Variants in SMCHD1 observed in about 807,000 individuals in gnomAD.
The protein encoded by SMCHD1 is structural maintenance of chromosomes flexible hinge domain-containing protein 1.
In SMCHD1, 78 loss-of-function variants were observed where a neutral mutation model predicts 254.7. That is an observed-to-expected ratio of 0.31 (90% CI 0.26 to 0.37). The LOEUF is 0.37. SMCHD1 is among the 10% of genes least tolerant of loss of function. The pLI is 1.00. For synonymous variants in SMCHD1, 766 were observed against 794.9 expected, an observed-to-expected ratio of 0.96 and a Z score of 0.61; for missense variants, 1,840 against 2,408.1, an observed-to-expected ratio of 0.76 and a Z score of 4.94.
intron 37 of SMCHD1, among the ~76,000 whole-genome samples, chr18:2,768,708 A>G (rs375107923): frequency 4.7e-5 from 5 of 107,080 alleles, no homozygotes; most frequent in East Asian, 2.2e-4. Context: ...ACTATATACT[A>G]TACTATACAT....
At chr18:2,661,380 A>G (rs929021111) in intron 1 of SMCHD1, among the ~76,000 whole-genome samples, 1 of 152,188 alleles carries the variant, frequency 6.6e-6, no homozygotes, top group African/African-American at 2.4e-5. Context: ...GAATAATAGT[A>G]GATTTATAGA....
intron 37 of SMCHD1, among the ~76,000 whole-genome samples, chr18:2,769,438 T>C (rs555234203): frequency 6.6e-6 from 1 of 152,310 alleles, no homozygotes; most frequent in South Asian, 2.1e-4. Context: ...TTTTTTATCA[T>C]ATATACTTTT....
intron 20 of SMCHD1, among the ~76,000 whole-genome samples, chr18:2,724,145 A>G (rs2074981599): frequency 6.7e-6 from 1 of 148,578 alleles, no homozygotes. Context: ...CTTGTATGCC[A>G]CATTGCATCT....
At position 2,738,258 on chromosome 18, in the gene SMCHD1, A is replaced by G. The variant is rs2075286251; in HGVS notation, c.3277-139A>G. The G allele has an allele frequency of 1.9e-5, 13 of 685,516 alleles. No homozygotes were observed. In the South Asian group the frequency reaches 2.4e-4, roughly 13 times the overall value. 42.5% of individuals were successfully genotyped at this position (685,516 alleles called of 1,614,324 possible). A position where few individuals can be genotyped will look rare whatever the true frequency, so the allele number is the denominator to read the frequency against. ...TGTATCATATTAGTATATGAACCAC[A>G]CCGTTTCTGACCATAAAGAGACTTT... On this transcript the variant is annotated intron_variant, in intron 25 of 47. Coordinates refer to ENST00000320876, the MANE Select transcript of SMCHD1 (RefSeq NM_015295.3).
intron 47 of SMCHD1, among the ~76,000 whole-genome samples, chr18:2,797,011 T>A (rs1274045295): frequency 6.6e-6 from 1 of 152,228 alleles, no homozygotes; most frequent in Non-Finnish European, 1.5e-5. Context: ...TTTCTTAGGA[T>A]ACTCAATCTT....
chr18:2,705,629 A>T, intron 13 of SMCHD1, 65 bp from the exon 14 acceptor site: 1 of 657,256 alleles, frequency 1.5e-6, no homozygotes. Context: ...AATTATTATT[A>T]AGCCTTTTTC....
intron 17 of SMCHD1, among the ~76,000 whole-genome samples, chr18:2,712,886 A>G (rs1275788638): frequency 1.3e-5 from 2 of 152,174 alleles, no homozygotes; most frequent in Non-Finnish European, 2.9e-5. Context: ...TACTCCACGC[A>G]TGATCTGGCC....
chr18:2,789,015 TTTTG>T (rs148828025), intron 45 of SMCHD1, among the ~76,000 whole-genome samples: 29,228 of 151,754 alleles, frequency 0.19, 3,029 homozygotes, highest in Admixed American at 0.26. Flanking sequence ...GTTTTTCTTT[TTTTG>T]TTTGTTTGTT....
chr18:2,735,027 G>A lies in SMCHD1; in HGVS notation c.3276+2535G>A, dbSNP rs1403983805. Among the ~76,000 whole-genome samples, 15 of 151,424 alleles carry A rather than the reference G, an allele frequency of 9.9e-5. No homozygotes were observed. The South Asian group carries it at 2.3e-3, about 23-fold the overall frequency. On this transcript the variant is annotated intron_variant, in intron 25 of 47. Coordinates refer to ENST00000320876, the MANE Select transcript of SMCHD1 (RefSeq NM_015295.3). ...AGAGGTTGCAGTGAGCCAAGATTGC[G>A]CCACTGCACTCCAGCCTGGGAGACA...
rs1319127489 is a variant in SMCHD1, at chr18:2,744,005, A to G, written c.3801+77A>G. The G allele has an allele frequency of 3.2e-6, 4 of 1,267,826 alleles. No individual in the cohort carries two copies. The East Asian group carries it at 9.9e-5, about 31-fold the overall frequency. 78.5% of individuals were successfully genotyped at this position (1,267,826 alleles called of 1,614,324 possible). A position where few individuals can be genotyped will look rare whatever the true frequency, so the allele number is the denominator to read the frequency against. On this transcript the variant is annotated intron_variant, in intron 29 of 47. Transcript: ENST00000320876. ...ACTTTCAGATTGTCAGTGAATCAGA[A>G]TAGATATATTTTGTTGCTGAAGTAA...
intron 47 of SMCHD1, among the ~76,000 whole-genome samples, chr18:2,801,593 C>G (rs1351212760): frequency 1.3e-5 from 2 of 152,012 alleles, no homozygotes; most frequent in Non-Finnish European, 2.9e-5. Context: ...TATATTTCAT[C>G]CATACAATCA....
chr18:2,791,388 C>T (rs940159580), intron 45 of SMCHD1, among the ~76,000 whole-genome samples: 2 of 152,006 alleles, frequency 1.3e-5, no homozygotes, highest in African/African-American at 2.4e-5. Context: ...CCAGCCTGGG[C>T]AATACAGTGA....
intron 3 of SMCHD1, among the ~76,000 whole-genome samples, chr18:2,670,106 T>G (rs1317953842): frequency 1.3e-5 from 2 of 152,200 alleles, no homozygotes; most frequent in Non-Finnish European, 2.9e-5. Flanking sequence ...TGTCACTCGC[T>G]GCTGAAAACA....
intron 47 of SMCHD1, among the ~76,000 whole-genome samples, chr18:2,800,197 C>CCTGT (rs1252392795): frequency 6.6e-6 from 1 of 151,606 alleles, no homozygotes; most frequent in East Asian, 1.9e-4. Context: ...GTTTGGGAGT[C>CCTGT]CTGTCTCCCA....
chr18:2,703,078 T>G (rs1314431223), intron 12 of SMCHD1, among the ~76,000 whole-genome samples: 1 of 152,232 alleles, frequency 6.6e-6, no homozygotes, highest in East Asian at 1.9e-4. Context: ...TATGAGTTTA[T>G]TTTTTGGATA....
chr18:2,781,049 T>C (rs1207310605), intron 44 of SMCHD1, among the ~76,000 whole-genome samples: 1 of 152,194 alleles, frequency 6.6e-6, no homozygotes, highest in Non-Finnish European at 1.5e-5. Flanking sequence ...GCCAAACTAA[T>C]TGAACTTAAG....
At chr18:2,660,828 T>C (rs563872824) in intron 1 of SMCHD1, among the ~76,000 whole-genome samples, 5 of 152,322 alleles carry the variant, frequency 3.3e-5, no homozygotes, top group African/African-American at 4.8e-5. Context: ...ATATTTCATA[T>C]GGATTTTTGA....
At chr18:2,694,177 A>G (rs2074241120) in intron 7 of SMCHD1, among the ~76,000 whole-genome samples, 1 of 152,210 alleles carries the variant, frequency 6.6e-6, no homozygotes, top group South Asian at 2.1e-4. Context: ...TAGGTCTCCC[A>G]AGCAAGCGTT....
chr18:2,733,350 A>G (rs1294039835), intron 25 of SMCHD1, among the ~76,000 whole-genome samples: 1 of 152,254 alleles, frequency 6.6e-6, no homozygotes, highest in Non-Finnish European at 1.5e-5. Flanking sequence ...CAAAAACAAT[A>G]ATGATAATAC....
Sources: allele counts gnomAD v4.1 joint callset (sites outside exome capture counted in the v4.1 genomes callset), GRCh38; gene constraint gnomAD v4.1.1; transcripts MANE v1.5; gene names NCBI Gene and HGNC (gene_info 2026-07-23, HGNC 2026-07-21).